Variants in ARMC2 observed in about 807,000 individuals in gnomAD.
ARMC2 encodes the protein armadillo repeat-containing protein 2.
ARMC2 carries 67 observed loss-of-function variants against 90.3 expected under a neutral mutation model. The ratio of observed to expected loss-of-function variants is 0.74; its 90% CI spans 0.61 to 0.91. The LOEUF (loss-of-function observed/expected upper bound fraction) is 0.91. ARMC2 is among the 40% of genes least tolerant of loss of function. The pLI, the probability that ARMC2 is intolerant of heterozygous loss-of-function variation, is 0.00. For missense variants in ARMC2, 920 were observed against 1,030.9 expected (o/e 0.89, Z 1.47); for synonymous variants, 393 against 393.0 (o/e 1.00, Z 0.00).
At chr6:109,007,603 G>A in the ARMC2 span, among the ~76,000 whole-genome samples, 1 of 152,066 alleles carries the variant, frequency 6.6e-6, no homozygotes, top group Non-Finnish European at 1.5e-5. Context: ...CATCCCACTC[G>A]CCCTTCTCTG....
rs1562316038 is a variant in ARMC2, at chr6:108,854,245, A to C, written c.-23A>C. On this transcript the variant is annotated 5_prime_UTR_variant, in exon 2 of 18. Coordinates refer to ENST00000392644, the MANE Select transcript of ARMC2 (RefSeq NM_032131.6). ...TGCAGGGTGTGGTGTCTATCTGAAG[A>C]ATATTTTACTTTCAAAGGAAAGATG... 1 of 1,555,434 alleles carries C rather than the reference A, an allele frequency of 6.4e-7. No individual in the cohort carries two copies. Among genetic ancestry groups the C allele is most frequent in the South Asian group, 1.2e-5 (1 of 85,848 alleles).
At position 108,908,145 on chromosome 6, in the gene ARMC2, G is replaced by T. The variant is rs76290027; in HGVS notation, c.1024-2754G>T. On this transcript the variant is annotated intron_variant, in intron 8 of 17. Coordinates refer to ENST00000392644, the MANE Select transcript of ARMC2 (RefSeq NM_032131.6). ...ATTCTGAGTCGGTAGTGCTGGGGGG[G>T]GCCTGAGATTCTGCATTCCTAATAC... 2.5e-3 allele frequency among the ~76,000 whole-genome samples: 373 copies of T among 152,070 alleles called. 3 individuals carry two copies. The highest frequency in any genetic ancestry group is 8.6e-3 in the African/African-American group (358 of 41,536).
At chr6:108,957,887 C>T (rs913645840) in intron 13 of ARMC2, among the ~76,000 whole-genome samples, 47 of 152,094 alleles carry the variant, frequency 3.1e-4, no homozygotes, top group African/African-American at 9.7e-4. Context: ...CAGTCTATTG[C>T]CCCAACTAGC....
chr6:109,045,026 A>G, the ARMC2 span, among the ~76,000 whole-genome samples: 1 of 151,702 alleles, frequency 6.6e-6, no homozygotes, highest in African/African-American at 2.4e-5. Context: ...TCCATTTCAA[A>G]AAAAAAAAAG....
chr6:108,926,877 A>G (rs1025213370), intron 10 of ARMC2, among the ~76,000 whole-genome samples: 1 of 151,332 alleles, frequency 6.6e-6, no homozygotes, highest in Non-Finnish European at 1.5e-5. Context: ...GAATCATTGT[A>G]TAATTGAATT....
intron 1 of ARMC2, among the ~76,000 whole-genome samples, chr6:108,852,696 C>T (rs754012250): frequency 6.6e-6 from 1 of 152,146 alleles, no homozygotes. Context: ...TACTTTTGGA[C>T]ATTGTTAGAC....
chr6:109,006,630 C>CT, the ARMC2 span, among the ~76,000 whole-genome samples: 2 of 152,138 alleles, frequency 1.3e-5, no homozygotes, highest in Non-Finnish European at 2.9e-5. Context: ...TTTTGAGCCT[C>CT]TTTAAGACTT....
intron 3 of ARMC2, among the ~76,000 whole-genome samples, chr6:108,863,955 C>A (rs1775546312): frequency 1.3e-5 from 2 of 152,192 alleles, no homozygotes; most frequent in African/African-American, 4.8e-5. Context: ...AGCCACATAA[C>A]TGAGCTCCAG....
downstream of ARMC2, among the ~76,000 whole-genome samples, chr6:108,978,342 G>T (rs1217333865): frequency 6.6e-6 from 1 of 152,182 alleles, no homozygotes; most frequent in Non-Finnish European, 1.5e-5. Flanking sequence ...GTTCTAATTT[G>T]ATTGCACTGT....
the ARMC2 span, among the ~76,000 whole-genome samples, chr6:109,017,473 G>C: frequency 2.7e-4 from 41 of 152,100 alleles, no homozygotes; most frequent in African/African-American, 9.2e-4. Context: ...TTTTAGTAGA[G>C]ACGGGGTTTC....
At chr6:108,950,093 C>A (rs1562420456) in intron 12 of ARMC2, among the ~76,000 whole-genome samples, 1 of 152,100 alleles carries the variant, frequency 6.6e-6, no homozygotes, top group Non-Finnish European at 1.5e-5. Context: ...GTAATCCCAG[C>A]TACTTGGGAG....
intron 5 of ARMC2, among the ~76,000 whole-genome samples, chr6:108,881,964 ATAC>A (rs1777625392): frequency 6.6e-6 from 1 of 152,102 alleles, no homozygotes; most frequent in African/African-American, 2.4e-5. Context: ...TTAAAGATAA[ATAC>A]TATTAAGATA....
chr6:109,000,474 AT>A, the ARMC2 span: 1 of 1,492,982 alleles, frequency 6.7e-7, no homozygotes, highest in Non-Finnish European at 9.0e-7. Flanking sequence ...CCCAAGATAT[AT>A]TACCCCACTG....
downstream of ARMC2, among the ~76,000 whole-genome samples, chr6:108,979,342 C>T (rs1213832931): frequency 6.6e-6 from 1 of 152,144 alleles, no homozygotes; most frequent in Non-Finnish European, 1.5e-5. Context: ...TGGCTTGTAG[C>T]GTTTCTGCCG....
intron 4 of ARMC2, among the ~76,000 whole-genome samples, chr6:108,874,728 G>A (rs901289272): frequency 1.3e-5 from 2 of 152,022 alleles, no homozygotes; most frequent in Admixed American, 6.6e-5. Context: ...GCCTGCACTC[G>A]AACCCAAGTC....
downstream of ARMC2, among the ~76,000 whole-genome samples, chr6:108,975,513 A>G: frequency 6.6e-6 from 1 of 152,230 alleles, no homozygotes; most frequent in Non-Finnish European, 1.5e-5. Flanking sequence ...TCCTTTGGGT[A>G]TATACCCAGT....
the ARMC2 span, among the ~76,000 whole-genome samples, chr6:109,007,988 G>T: frequency 6.6e-6 from 1 of 152,052 alleles, no homozygotes; most frequent in Non-Finnish European, 1.5e-5. Context: ...TTTGTAAAGT[G>T]AATAGTTTTC....
the ARMC2 span, among the ~76,000 whole-genome samples, chr6:109,003,910 T>C: frequency 3.3e-5 from 5 of 152,218 alleles, no homozygotes; most frequent in South Asian, 2.1e-4. Flanking sequence ...CTCTAATTTC[T>C]TTAATCTTGA....
At chr6:108,942,315 T>C (rs1298021385) in intron 12 of ARMC2, among the ~76,000 whole-genome samples, 13 of 152,232 alleles carry the variant, frequency 8.5e-5, no homozygotes, top group African/African-American at 3.1e-4. Flanking sequence ...GAAGAAATAA[T>C]AAGAATTTTT....
Sources: gnomAD v4.1 joint callset for allele counts (sites outside exome capture counted in the v4.1 genomes callset) on GRCh38, gnomAD v4.1.1 for gene constraint, MANE v1.5 for transcripts, NCBI Gene and HGNC (gene_info 2026-07-23, HGNC 2026-07-21) for gene names.